Variants in BANP observed in about 807,000 individuals in gnomAD.
BANP encodes BTG3 associated nuclear protein, also known as protein BANP.
Under a neutral mutation model 68.1 loss-of-function variants are expected in BANP, and 11 were observed. The ratio of observed to expected loss-of-function variants is 0.16; its 90% CI spans 0.10 to 0.27. The LOEUF is 0.27. Among genes scored for constraint, BANP ranks in the 10% least tolerant of loss-of-function variants. The pLI is 1.00. For missense variants in BANP, 504 were observed against 722.7 expected (o/e 0.70, Z 3.47); for synonymous variants, 329 against 303.2 (o/e 1.09, Z -0.88).
Position 88,027,643 on chromosome 16 carries a change from C to T in BANP, c.1056C>T (p.Cys352=). 6.2e-7 allele frequency: 1 copy of T among 1,613,242 alleles called. No homozygotes were observed. The highest frequency in any genetic ancestry group is 2.2e-5 in the East Asian group (1 of 44,870). The change falls in exon 8 of 14, where the codon TGC becomes TGT. Residue 352 remains cysteine, a synonymous_variant. Coordinates refer to ENST00000682872, the MANE Select transcript of BANP (RefSeq NM_001386991.1). ...GAACGCCCAACTCGTCCTCCTACTG[C>T]CCTTCAGGTAGGCCTCGTGCTGCAG... The part of the protein sequence containing the change: ...SRRTPNSSSY[C]PSEPMMSTPP...
At chr16:87,965,516 G>A (rs1340838075) in intron 1 of BANP, among the ~76,000 whole-genome samples, 1 of 151,884 alleles carries the variant, frequency 6.6e-6, no homozygotes, top group Non-Finnish European at 1.5e-5. Context: ...GGCAGGAGTG[G>A]GCATTCTTGG....
Position 88,035,048 on chromosome 16 carries a change from A to T in BANP, c.1201-275A>T, listed in dbSNP as rs2079015525. The T allele has an allele frequency of 1.7e-5, 7 of 413,258 alleles. No homozygotes were observed. In the South Asian group the frequency reaches 1.9e-4, roughly 11 times the overall value. The allele number at this position is 413,258 out of a possible 1,614,324, so 25.6% of individuals were successfully genotyped here. A position where few individuals can be genotyped will look rare whatever the true frequency, so the allele number is the denominator to read the frequency against. On this transcript the variant is annotated intron_variant, in intron 9 of 13. Coordinates refer to ENST00000682872, the MANE Select transcript of BANP (RefSeq NM_001386991.1). ...GTGGCACATATGGGCGGGAAAAAGC[A>T]TAGCATATATGGGGTTCAGCACCAT... is the stretch of plus-strand genomic sequence containing the variant.
rs745625293 is a variant in BANP at position 88,076,619 on chromosome 16, G to A, written c.1551G>A (p.Gln517=). 8.7e-6 allele frequency: 14 copies of A among 1,611,862 alleles called. No homozygotes were observed. The highest frequency in any genetic ancestry group is 1.2e-5 in the Non-Finnish European group (14 of 1,179,748). ...QTAEALQPTL[Q]PEMQLEHGAI... is the part of the protein sequence containing the mutation. ...CCGAAGCCCTGCAGCCCACGCTACAGCCGGAGATGCAGCTCGAGCACGGGG... is the reference window on the plus strand; with the variant it reads ...CCGAAGCCCTGCAGCCCACGCTACAACCGGAGATGCAGCTCGAGCACGGGG... The change falls in exon 14 of 14, where the codon CAG becomes CAA. Residue 517 remains glutamine (Q), a synonymous_variant. Transcript: ENST00000682872.
intron 1 of BANP, among the ~76,000 whole-genome samples, chr16:87,966,393 A>G (rs962758685): frequency 4.6e-5 from 7 of 152,258 alleles, no homozygotes; most frequent in African/African-American, 1.4e-4. Flanking sequence ...AGACTGGACT[A>G]TCCCCAGGAC....
intron 1 of BANP, among the ~76,000 whole-genome samples, chr16:87,974,213 G>A (rs905788051): frequency 3.3e-5 from 5 of 152,212 alleles, no homozygotes; most frequent in African/African-American, 9.7e-5. Flanking sequence ...CTATTTTGCA[G>A]TACTATATTT....
intron 12 of BANP, among the ~76,000 whole-genome samples, chr16:88,069,913 C>A (rs2089869484): frequency 6.6e-6 from 1 of 152,040 alleles, no homozygotes; most frequent in Admixed American, 6.5e-5. Context: ...GTCTCTTCTG[C>A]CTCTGCTGCC....
At chr16:87,990,823 C>G (rs1251857069) in intron 4 of BANP, among the ~76,000 whole-genome samples, 1 of 152,110 alleles carries the variant, frequency 6.6e-6, no homozygotes, top group South Asian at 2.1e-4. Flanking sequence ...AGTGCAGTGG[C>G]GCAATCTCGG....
At chr16:87,974,998 G>A (rs1426606869) in intron 1 of BANP, 50 bp from the exon 2 acceptor site, 5 of 825,224 alleles carry the variant, frequency 6.1e-6, no homozygotes, top group Admixed American at 4.4e-5. Flanking sequence ...ATAATTTCAC[G>A]TGTAGCGATG....
chr16:88,070,513 T>C (rs187249628), intron 12 of BANP, among the ~76,000 whole-genome samples: 96 of 152,290 alleles, frequency 6.3e-4, no homozygotes, highest in African/African-American at 2.1e-3. Flanking sequence ...GCTCAGCTAT[T>C]CGCCCGAGGC....
chr16:88,008,211 G>T (rs1276545471), intron 6 of BANP, among the ~76,000 whole-genome samples: 1 of 152,140 alleles, frequency 6.6e-6, no homozygotes, highest in African/African-American at 2.4e-5. Flanking sequence ...TCATTCTGTT[G>T]ATCCATCATC....
In BANP at chr16:87,957,443, G is replaced by A. The variant is rs1278088203; in HGVS notation, c.-69+5928G>A. 6.6e-6 allele frequency among the ~76,000 whole-genome samples: 1 copy of A among 152,206 alleles called. No homozygotes were observed. Among genetic ancestry groups the A allele is most frequent in the Non-Finnish European group, 1.5e-5 (1 of 68,034 alleles). On this transcript the variant is annotated intron_variant, in intron 1 of 13. Transcript: ENST00000682872. The surrounding 1 kb of genome is among the most constrained non-coding windows in gnomAD (Gnocchi z 4.3). ...TCCACATTCTGTCGTGGTTGAGACC[G>A]GATCCTGTGTGGACCGGGTGGGCTG... is the stretch of plus-strand genomic sequence containing the variant.
chr16:88,004,478 C>A lies in BANP; in HGVS notation c.479+67C>A. On this transcript the variant is annotated intron_variant, in intron 5 of 13. Coordinates refer to ENST00000682872, the MANE Select transcript of BANP (RefSeq NM_001386991.1). This position sits in a 1 kb window ranked among gnomAD's most constrained non-coding sequence, Gnocchi z 7.0. Reference sequence around the variant, plus strand: ...GCGGAGTCCCATGAGAATAAGTCAACGTCCCTAAGCCAGGGCACAGTCCAG... The same window carrying A: ...GCGGAGTCCCATGAGAATAAGTCAAAGTCCCTAAGCCAGGGCACAGTCCAG... 1 of 912,490 alleles carries A rather than the reference C, an allele frequency of 1.1e-6. No individual in the cohort carries two copies. The highest frequency in any genetic ancestry group is 1.7e-6 in the Non-Finnish European group (1 of 597,254). The allele number at this position is 912,490 out of a possible 1,614,324, so 56.5% of individuals were successfully genotyped here. A position where few individuals can be genotyped will look rare whatever the true frequency, so the allele number is the denominator to read the frequency against.
At chr16:88,011,538 C>T (rs575884899) in intron 6 of BANP, among the ~76,000 whole-genome samples, 1 of 152,306 alleles carries the variant, frequency 6.6e-6, no homozygotes, top group African/African-American at 2.4e-5. Flanking sequence ...TGATGGAAAA[C>T]AGCCCACTCA....
intron 6 of BANP, among the ~76,000 whole-genome samples, chr16:88,014,990 G>C (rs1249833745): frequency 1.3e-5 from 2 of 151,992 alleles, no homozygotes; most frequent in South Asian, 2.1e-4. Context: ...GTAATCAGCT[G>C]CTTGCCCTCT....
rs112670135 is a variant in BANP, at chr16:88,055,594, T to C, written c.1312-9673T>C. On this transcript the variant is annotated intron_variant, in intron 11 of 13. Transcript: ENST00000682872. ...GAAAAAGATTAGAAGACATGGGAAA[T>C]GTCCAACATTTTACGTGTAGGATTT... Among the ~76,000 whole-genome samples the C allele has an allele frequency of 4.3e-3, 650 of 152,304 alleles. 5 individuals are homozygous for C. Among genetic ancestry groups the C allele is most frequent in the African/African-American group, 0.014 (590 of 41,552 alleles).
At chr16:88,040,256 T>G (rs1419655578) in intron 11 of BANP, among the ~76,000 whole-genome samples, 2 of 72,554 alleles carry the variant, frequency 2.8e-5, no homozygotes, top group African/African-American at 7.4e-5. Flanking sequence ...GTGGAAATCC[T>G]TTTTTTTTTT....
rs1011938116 is a variant in BANP at position 88,036,574 on chromosome 16, G to A, written c.1272+1180G>A. Among the ~76,000 whole-genome samples, 4 of 152,142 alleles carry A rather than the reference G, an allele frequency of 2.6e-5. No homozygotes were observed. Among genetic ancestry groups the A allele is most frequent in the African/African-American group, 7.2e-5 (3 of 41,422 alleles). On this transcript the variant is annotated intron_variant, in intron 10 of 13. Coordinates refer to ENST00000682872, the MANE Select transcript of BANP (RefSeq NM_001386991.1). The surrounding 1 kb of genome is among the most constrained non-coding windows in gnomAD (Gnocchi z 4.2). ...TTTAATTTGGACACCAGCAGTTCCCGGTGGGTTATCCTGAGAGGGGAGCAC... is the reference window on the plus strand; with the variant it reads ...TTTAATTTGGACACCAGCAGTTCCCAGTGGGTTATCCTGAGAGGGGAGCAC...
intron 2 of BANP, among the ~76,000 whole-genome samples, chr16:87,976,136 C>T (rs1009101106): frequency 1.3e-5 from 2 of 152,242 alleles, no homozygotes; most frequent in African/African-American, 2.4e-5. Flanking sequence ...TTCCTTTATA[C>T]ACAACCCTAT....
intron 7 of BANP, among the ~76,000 whole-genome samples, chr16:88,022,285 C>T (rs1385757091): frequency 6.6e-6 from 1 of 152,210 alleles, no homozygotes; most frequent in East Asian, 1.9e-4. Flanking sequence ...GACCCCGGAT[C>T]TGAGGGCTTT....
Sources: gnomAD v4.1 joint callset for allele counts (sites outside exome capture counted in the v4.1 genomes callset) on GRCh38, gnomAD v4.1.1 for gene constraint, Gnocchi (gnomAD v3.1) non-coding constraint, MANE v1.5 for transcripts, NCBI Gene and HGNC (gene_info 2026-07-23, HGNC 2026-07-21) for gene names.